Variants in INVS observed in about 807,000 individuals in gnomAD.
INVS encodes inversin.
INVS carries 86 observed loss-of-function variants against 108.8 expected under a neutral mutation model. That is an observed-to-expected ratio of 0.79 (90% CI 0.66 to 0.95). The LOEUF is 0.95. Ranked by LOEUF, INVS falls within the 40% of genes least tolerant of loss-of-function variation. INVS has a pLI of 0.00. For missense variants in INVS, 1,169 were observed against 1,297.4 expected (o/e 0.90, Z 1.52); for synonymous variants, 455 against 473.5 (o/e 0.96, Z 0.51).
intron 8 of INVS, 48 bp downstream of exon 8, chr9:100,246,835 G>T: frequency 4.6e-6 from 7 of 1,509,486 alleles, no homozygotes; most frequent in Non-Finnish European, 6.5e-6. Context: ...AGGTTCCAAA[G>T]TGTAGATGTT....
At chr9:100,105,661 C>T (rs1436140830) in intron 2 of INVS, among the ~76,000 whole-genome samples, 1 of 152,074 alleles carries the variant, frequency 6.6e-6, no homozygotes, top group East Asian at 1.9e-4. Flanking sequence ...AAACATTCTA[C>T]CATTCAACTA....
Position 100,113,650 on chromosome 9 carries a change from A to G in INVS, c.106+9023A>G, listed in dbSNP as rs147866748. Among the ~76,000 whole-genome samples the G allele has an allele frequency of 4.4e-3, 674 of 152,238 alleles. 3 individuals carry two copies. Among genetic ancestry groups the G allele is most frequent in the African/African-American group, 0.016 (647 of 41,540 alleles). ...GTTTATGGGGGTGGAGTGTGATGTT[A>G]TAATACATGTATAGATTGTGTAATG... On this transcript the variant is annotated intron_variant, in intron 2 of 16. Coordinates refer to ENST00000262457, the MANE Select transcript of INVS (RefSeq NM_014425.5).
intron 10 of INVS, among the ~76,000 whole-genome samples, chr9:100,254,941 C>T (rs577507706): frequency 6.6e-6 from 1 of 152,142 alleles, no homozygotes; most frequent in Non-Finnish European, 1.5e-5. Context: ...TAGTTTTTTC[C>T]AATTCTGTGA....
At chr9:100,101,983 C>A (rs1313677891) in intron 1 of INVS, 3 of 152,248 alleles carry the variant, frequency 2.0e-5, no homozygotes, top group African/African-American at 4.8e-5. Flanking sequence ...ATTCATCTTT[C>A]CTTCCCATCA....
At chr9:100,218,537 A>G (rs1831056295) in intron 3 of INVS, among the ~76,000 whole-genome samples, 1 of 152,174 alleles carries the variant, frequency 6.6e-6, no homozygotes, top group Non-Finnish European at 1.5e-5. Context: ...AGGATCCAGA[A>G]TATTTTGAGG....
chr9:100,204,576 T>G (rs985772301), intron 3 of INVS, among the ~76,000 whole-genome samples: 1 of 152,190 alleles, frequency 6.6e-6, no homozygotes, highest in Non-Finnish European at 1.5e-5. Flanking sequence ...ACTCCCATGA[T>G]TCTCACAAAA....
intron 5 of INVS, among the ~76,000 whole-genome samples, chr9:100,230,668 G>A (rs1385614667): frequency 2.6e-5 from 4 of 151,962 alleles, no homozygotes; most frequent in African/African-American, 7.3e-5. Flanking sequence ...GCAGGCGTGC[G>A]CCACCGTGCC....
intron 13 of INVS, 110 bp from the exon 14 acceptor site, chr9:100,292,216 C>T: frequency 1.0e-6 from 1 of 970,074 alleles, no homozygotes. Flanking sequence ...CTGTAACTGC[C>T]ACTATTATGG....
intron 3 of INVS, among the ~76,000 whole-genome samples, chr9:100,198,928 T>C (rs754342630): frequency 2.6e-5 from 4 of 151,994 alleles, no homozygotes; most frequent in Non-Finnish European, 5.9e-5. Flanking sequence ...TCAATTTGGG[T>C]TTGTTAGGTA....
chr9:100,145,128 T>C (rs867351328), intron 3 of INVS, among the ~76,000 whole-genome samples: 8 of 151,950 alleles, frequency 5.3e-5, no homozygotes, highest in Non-Finnish European at 7.4e-5. Flanking sequence ...GGTTTTAAGT[T>C]CTTGAGAACA....
intron 14 of INVS, among the ~76,000 whole-genome samples, chr9:100,293,972 A>G (rs534350550): frequency 8.5e-5 from 13 of 152,220 alleles, no homozygotes; most frequent in African/African-American, 3.1e-4. Flanking sequence ...AGACGAGACC[A>G]CCCCAGGAAA....
chr9:100,274,568 G>C (rs1833061461), intron 12 of INVS, among the ~76,000 whole-genome samples: 1 of 152,174 alleles, frequency 6.6e-6, no homozygotes, highest in Non-Finnish European at 1.5e-5. Flanking sequence ...ACAGTGGCAT[G>C]ATCGCCACTC....
chr9:100,299,673 CA>C (rs1564196719), intron 16 of INVS, among the ~76,000 whole-genome samples: 1 of 83,582 alleles, frequency 1.2e-5, no homozygotes. Context: ...CACACACACA[CA>C]CACACACCTG....
At chr9:100,204,937 C>T (rs554865538) in intron 3 of INVS, among the ~76,000 whole-genome samples, 1 of 152,062 alleles carries the variant, frequency 6.6e-6, no homozygotes, top group South Asian at 2.1e-4. Context: ...TTGACCTTTC[C>T]GGTTGACAGT....
At chr9:100,282,097 G>A (rs1833296625) in intron 12 of INVS, among the ~76,000 whole-genome samples, 1 of 152,148 alleles carries the variant, frequency 6.6e-6, no homozygotes, top group South Asian at 2.1e-4. Flanking sequence ...AAACAGCCCT[G>A]CTCATCGGTG....
intron 3 of INVS, among the ~76,000 whole-genome samples, chr9:100,153,005 TTGTGTGTGTG>T (rs60860854): frequency 1.3e-4 from 19 of 149,264 alleles, no homozygotes; most frequent in Non-Finnish European, 2.5e-4. Flanking sequence ...TGTTAACTAA[TTGTGTGTGTG>T]TGTGTGTGTG....
chr9:100,299,811 AG>A (rs1228468335), intron 16 of INVS, among the ~76,000 whole-genome samples: 2 of 152,176 alleles, frequency 1.3e-5, no homozygotes, highest in Non-Finnish European at 2.9e-5. Flanking sequence ...TCACCTGCAG[AG>A]GGGTACACAG....
chr9:100,175,627 A>C (rs914152605), intron 3 of INVS: 1 of 673,132 alleles, frequency 1.5e-6, no homozygotes, highest in Middle Eastern at 2.5e-4. Context: ...AAGAATAGCA[A>C]TGGTGTGACT....
chr9:100,181,194 A>C (rs1829877299), intron 3 of INVS, among the ~76,000 whole-genome samples: 1 of 152,208 alleles, frequency 6.6e-6, no homozygotes, highest in Non-Finnish European at 1.5e-5. Flanking sequence ...CAAAAACTGG[A>C]AGCATTCCCT....
Sources: gnomAD v4.1 joint callset for allele counts (sites outside exome capture counted in the v4.1 genomes callset) on GRCh38, gnomAD v4.1.1 for gene constraint, MANE v1.5 for transcripts, NCBI Gene and HGNC (gene_info 2026-07-23, HGNC 2026-07-21) for gene names.